TGM3: variants seen among roughly 807,000 people sequenced by gnomAD.
TGM3 encodes protein-glutamine gamma-glutamyltransferase E.
A neutral mutation model predicts 73.8 loss-of-function variants in TGM3; 52 were observed. The ratio of observed to expected loss-of-function variants is 0.70; its 90% confidence interval spans 0.56 to 0.89. The LOEUF is 0.89. TGM3 is among the 40% of genes least tolerant of loss of function. The pLI, the probability that TGM3 is intolerant of heterozygous loss-of-function variation, is 0.00. For missense variants in TGM3, 928 were observed against 909.9 expected (o/e 1.02, Z -0.26); for synonymous variants, 372 against 354.9 (o/e 1.05, Z -0.54).
At chr20:2,330,728 A>G (rs1041017561) in intron 9 of TGM3, among the ~76,000 whole-genome samples, 1 of 152,180 alleles carries the variant, frequency 6.6e-6, no homozygotes, top group African/African-American at 2.4e-5. Flanking sequence ...CATCTGGGCC[A>G]GGTGAAGTGG....
intron 1 of TGM3, among the ~76,000 whole-genome samples, chr20:2,307,560 T>A (rs2084182323): frequency 6.6e-6 from 1 of 152,100 alleles, no homozygotes; most frequent in Non-Finnish European, 1.5e-5. Flanking sequence ...CAACTGAAAG[T>A]GACTTTTTTT....
chr20:2,317,942 TC>T (rs33938349), intron 7 of TGM3, among the ~76,000 whole-genome samples: 84,049 of 127,472 alleles, frequency 0.66, 28,415 homozygotes, highest in East Asian at 0.92. Context: ...TATATATATA[TC>T]ATATATATAT....
Position 2,296,188 on chromosome 20 carries a change from G to A in TGM3, c.7+118G>A, listed in dbSNP as rs1196909453. On this transcript the variant is annotated intron_variant, in intron 1 of 12. Coordinates refer to ENST00000381458, the MANE Select transcript of TGM3 (RefSeq NM_003245.4). ...GCTGCCTGCCTTGGGGGCTCTGAAGGCCAGACTTCCTATTTTAGGGTGCTA... is the reference window on the plus strand; with the variant it reads ...GCTGCCTGCCTTGGGGGCTCTGAAGACCAGACTTCCTATTTTAGGGTGCTA... The A allele has an allele frequency of 3.1e-6, 4 of 1,282,108 alleles. No individual in the cohort carries two copies. In the East Asian group the frequency reaches 7.6e-5, roughly 24 times the overall value. 79.4% of individuals were successfully genotyped at this position (1,282,108 alleles called of 1,614,324 possible). A position where few individuals can be genotyped will look rare whatever the true frequency, so the allele number is the denominator to read the frequency against.
At chr20:2,307,129 T>C (rs1035271113) in intron 1 of TGM3, among the ~76,000 whole-genome samples, 4 of 152,220 alleles carry the variant, frequency 2.6e-5, no homozygotes, top group African/African-American at 9.6e-5. Context: ...AATTTATTCT[T>C]TCAATGAATA....
chr20:2,305,420 A>G (rs2084171783), intron 1 of TGM3, among the ~76,000 whole-genome samples: 5 of 152,376 alleles, frequency 3.3e-5, no homozygotes, highest in African/African-American at 1.2e-4. Context: ...CGTGTTTCTC[A>G]TTATGCCACA....
rs1237688608 is a variant in TGM3 at position 2,325,910 on chromosome 20, G to A, written c.1045G>A (p.Gly349Arg). 7 of 1,594,918 alleles carry A rather than the reference G, an allele frequency of 4.4e-6. No individual in the cohort carries two copies. Among genetic ancestry groups the A allele is most frequent in the Non-Finnish European group, 6.0e-6 (7 of 1,169,622 alleles). The change falls in exon 8 of 13, where the codon GGA (glycine) becomes AGA (arginine). Residue 349 changes from glycine (G) to arginine (R), a missense_variant. Coordinates refer to ENST00000381458, the MANE Select transcript of TGM3 (RefSeq NM_003245.4). ...VRSDLGPSYG[G>R]WQVLDATPQE... ...GTCTGACCTGGGCCCCTCGTACGGTGGATGGCAGGTGTTGGATGCTACCCC... is the reference window on the plus strand; with the variant it reads ...GTCTGACCTGGGCCCCTCGTACGGTAGATGGCAGGTGTTGGATGCTACCCC...
chr20:2,316,872 G>A (rs772897021), intron 5 of TGM3, among the ~76,000 whole-genome samples, 196 bp from the exon 6 acceptor site: 10 of 152,102 alleles, frequency 6.6e-5, no homozygotes, highest in Non-Finnish European at 8.8e-5. Context: ...CTCTAAACTC[G>A]TAAACCACTC....
chr20:2,300,125 A>G (rs1357617899), intron 1 of TGM3, among the ~76,000 whole-genome samples: 5 of 151,476 alleles, frequency 3.3e-5, no homozygotes, highest in African/African-American at 9.7e-5. Context: ...ATAAAGAAAG[A>G]AAGGAAGAAA....
chr20:2,317,355 C>A lies in TGM3; in HGVS notation c.853C>A (p.Arg285=), dbSNP rs200047268. ...VFAGTLNTAL[R]SLGIPSRVIT... is the part of the protein sequence containing the mutation. ...ACGCCCACCCTGACTTGCAGCGCTG[C>A]GGTCTTTGGGGATTCCTTCCCGGGT... Residue 285 remains arginine (R), a synonymous_variant, in exon 7 of 13, where the codon CGG becomes AGG. Coordinates refer to ENST00000381458, the MANE Select transcript of TGM3 (RefSeq NM_003245.4). The A allele has an allele frequency of 1.9e-6, 3 of 1,614,196 alleles. No homozygotes were observed. The highest frequency in any genetic ancestry group is 2.5e-6 in the Non-Finnish European group (3 of 1,180,036).
chr20:2,328,110 T>C lies in TGM3; in HGVS notation c.1088-10T>C. 6.2e-7 allele frequency: 1 copy of C among 1,614,122 alleles called. No homozygotes were observed. The highest frequency in any genetic ancestry group is 8.5e-7 in the Non-Finnish European group (1 of 1,179,994). ...TGGCATATATCCAGCCTCTGCATCT[T>C]GGCCTCCAGGGGTGTTCCAGTGCGG... On this transcript the variant is annotated splice_polypyrimidine_tract_variant and intron_variant, in intron 8 of 12. Transcript: ENST00000381458. This position sits in a 1 kb window ranked among gnomAD's most constrained non-coding sequence, Gnocchi z 5.2.
intron 7 of TGM3, among the ~76,000 whole-genome samples, chr20:2,323,522 T>C (rs1419829454): frequency 1.3e-5 from 2 of 152,266 alleles, no homozygotes; most frequent in Non-Finnish European, 1.5e-5. Flanking sequence ...CCTTTAGATA[T>C]ACATGTATGT....
At chr20:2,298,810 ACT>A (rs202100268) in intron 1 of TGM3, among the ~76,000 whole-genome samples, 1 of 151,124 alleles carries the variant, frequency 6.6e-6, no homozygotes, top group Non-Finnish European at 1.5e-5. Flanking sequence ...GGCAATATCT[ACT>A]CTCTCTCTCT....
At position 2,334,328 on chromosome 20, in the gene TGM3, G is replaced by A. The variant is rs2084336468; in HGVS notation, c.1643-788G>A. On this transcript the variant is annotated intron_variant, in intron 10 of 12. Transcript: ENST00000381458. This position sits in a 1 kb window ranked among gnomAD's most constrained non-coding sequence, Gnocchi z 4.0. The stretch of plus-strand genomic sequence containing the variant: ...GGGTCTGAACTTTATCTAAGGCAAT[G>A]AGGAGCCACGGAAGATTTTTGAAGT... 2.0e-5 allele frequency among the ~76,000 whole-genome samples: 3 copies of A among 152,344 alleles called. No individual in the cohort carries two copies. In the Middle Eastern group the frequency reaches 0.01, roughly 518 times the overall value.
At chr20:2,324,172 T>G (rs561417092) in intron 7 of TGM3, among the ~76,000 whole-genome samples, 1 of 152,350 alleles carries the variant, frequency 6.6e-6, no homozygotes, top group African/African-American at 2.4e-5. Flanking sequence ...TATCATTTAA[T>G]TTCAGATATT....
At chr20:2,298,345 C>T (rs1002045361) in intron 1 of TGM3, among the ~76,000 whole-genome samples, 4 of 152,114 alleles carry the variant, frequency 2.6e-5, no homozygotes, top group South Asian at 2.1e-4. Flanking sequence ...AGTTTGTGAG[C>T]ACAGAGGAGG....
intron 12 of TGM3, 118 bp downstream of exon 12, chr20:2,340,105 G>A: frequency 7.7e-7 from 1 of 1,305,372 alleles, no homozygotes. Flanking sequence ...TACTCTTTTG[G>A]GGGTCTTGGA....
intron 7 of TGM3, among the ~76,000 whole-genome samples, chr20:2,324,488 C>T (rs1479168371): frequency 1.3e-5 from 2 of 152,206 alleles, no homozygotes; most frequent in African/African-American, 4.8e-5. Context: ...CTTGTTTTGG[C>T]TGCCTATCTT....
At chr20:2,310,438 A>G (rs755956190) in intron 3 of TGM3, 21 bp downstream of exon 3, 3 of 1,612,722 alleles carry the variant, frequency 1.9e-6, no homozygotes, top group Non-Finnish European at 2.5e-6. Context: ...AGCCACCCAC[A>G]CTCTCAGCCC....
Position 2,328,098 on chromosome 20 carries a change from G to A in TGM3, c.1088-22G>A, listed in dbSNP as rs1372523686. The A allele has an allele frequency of 6.2e-7, 1 of 1,613,952 alleles. No individual in the cohort carries two copies. Among genetic ancestry groups the A allele is most frequent in the Non-Finnish European group, 8.5e-7 (1 of 1,179,974 alleles). ...AGGTTGTGGCCTTGGCATATATCCA[G>A]CCTCTGCATCTTGGCCTCCAGGGGT... On this transcript the variant is annotated intron_variant, in intron 8 of 12. Coordinates refer to ENST00000381458, the MANE Select transcript of TGM3 (RefSeq NM_003245.4). This position sits in a 1 kb window ranked among gnomAD's most constrained non-coding sequence, Gnocchi z 5.2.
Sources: allele counts gnomAD v4.1 joint callset (sites outside exome capture counted in the v4.1 genomes callset), GRCh38; gene constraint gnomAD v4.1.1; non-coding constraint Gnocchi (gnomAD v3.1); transcripts MANE v1.5; gene names NCBI Gene and HGNC (gene_info 2026-07-23, HGNC 2026-07-21).